GNAL: variants seen among roughly 807,000 people sequenced by gnomAD.
The protein encoded by GNAL is G protein subunit alpha L.
In GNAL, 18 loss-of-function variants were observed where a neutral mutation model predicts 55.1. The ratio of observed to expected loss-of-function variants is 0.33; its 90% CI spans 0.23 to 0.48. GNAL has a LOEUF of 0.48. Ranked by LOEUF, GNAL falls within the 20% of genes least tolerant of loss-of-function variation. The pLI is 0.99. For synonymous variants in GNAL, 253 were observed against 237.0 expected, an observed-to-expected ratio of 1.07 and a Z score of -0.62; for missense variants, 412 against 614.1, an observed-to-expected ratio of 0.67 and a Z score of 3.48.
At chr18:11,806,837 T>C (rs1037771524) in intron 4 of GNAL, among the ~76,000 whole-genome samples, 14 of 152,004 alleles carry the variant, frequency 9.2e-5, no homozygotes, top group African/African-American at 3.1e-4. Context: ...GAACATGTGT[T>C]ATTTGGTATT....
chr18:11,707,382 T>C (rs764186285), intron 1 of GNAL, among the ~76,000 whole-genome samples: 13 of 152,230 alleles, frequency 8.5e-5, no homozygotes, highest in Non-Finnish European at 1.6e-4. Flanking sequence ...GCTCTTGGGT[T>C]ACCGGGTGCA....
At chr18:11,792,917 G>T (rs938943376) in intron 4 of GNAL, among the ~76,000 whole-genome samples, 6 of 152,126 alleles carry the variant, frequency 3.9e-5, no homozygotes, top group African/African-American at 1.4e-4. Context: ...TTATATTATT[G>T]AATAGTGTCA....
intron 1 of GNAL, among the ~76,000 whole-genome samples, chr18:11,722,427 A>AGCG (rs2032115606): frequency 6.6e-6 from 1 of 152,210 alleles, no homozygotes; most frequent in Non-Finnish European, 1.5e-5. Flanking sequence ...ATATTCTTCT[A>AGCG]GCATAGATAT....
chr18:11,873,426 GA>G (rs554062099), intron 10 of GNAL, among the ~76,000 whole-genome samples: 2 of 152,022 alleles, frequency 1.3e-5, no homozygotes, highest in African/African-American at 4.8e-5. Context: ...ATAAAGACCC[GA>G]AAAAAATTCC....
rs902209355 is a variant in GNAL at position 11,865,722 on chromosome 18, T to G, written c.851+1116T>G. Among the ~76,000 whole-genome samples the G allele has an allele frequency of 4.1e-5, 5 of 122,018 alleles. 1 individual carries two copies. The highest frequency in any genetic ancestry group is 1.8e-4 in the African/African-American group (5 of 27,388). The allele number at this position is 122,018 out of a possible 152,430, so 80.0% of individuals were successfully genotyped here. A position where few individuals can be genotyped will look rare whatever the true frequency, so the allele number is the denominator to read the frequency against. On this transcript the variant is annotated intron_variant, in intron 7 of 11. Transcript: ENST00000334049. ...GTGGGCCATGATTAGGCCATTTCAC[T>G]CCAGCCTGGGTGACAGAGTAAGACC...
At chr18:11,693,380 C>T (rs2031312418) in intron 1 of GNAL, among the ~76,000 whole-genome samples, 1 of 152,134 alleles carries the variant, frequency 6.6e-6, no homozygotes. Context: ...TCAAATGACT[C>T]ACTTTTCAGG....
rs185973112 is a variant in GNAL at position 11,801,420 on chromosome 18, G to C, written c.625-23498G>C. On this transcript the variant is annotated intron_variant, in intron 4 of 11. Transcript: ENST00000334049. ...ATATAAAAATTAATCAGGCGTGGTGGTGCACATCTGCAGTCCTAGCAACTA... is the reference window on the plus strand; with the variant it reads ...ATATAAAAATTAATCAGGCGTGGTGCTGCACATCTGCAGTCCTAGCAACTA... Among the ~76,000 whole-genome samples, 574 of 152,248 alleles carry C rather than the reference G, an allele frequency of 3.8e-3. 9 individuals carry two copies. The highest frequency in any genetic ancestry group is 3.5e-3 in the Non-Finnish European group (237 of 68,020).
chr18:11,714,060 G>A (rs967505423), intron 1 of GNAL, among the ~76,000 whole-genome samples: 4 of 152,202 alleles, frequency 2.6e-5, no homozygotes, highest in African/African-American at 9.6e-5. Flanking sequence ...CATCTCCGAT[G>A]CCAGCAACTA....
intron 1 of GNAL, among the ~76,000 whole-genome samples, chr18:11,743,314 C>CAAAA (rs527239039): frequency 5.0e-4 from 58 of 116,394 alleles, no homozygotes; most frequent in South Asian, 1.4e-3. Flanking sequence ...CTCACTAATA[C>CAAAA]AAAAAAAAAA....
At chr18:11,758,036 T>C (rs1161439745) in intron 4 of GNAL, among the ~76,000 whole-genome samples, 2 of 151,902 alleles carry the variant, frequency 1.3e-5, no homozygotes, top group Admixed American at 1.3e-4. Context: ...AAGGTCAAGA[T>C]GAAAGATACA....
chr18:11,728,704 C>T (rs1046842920), intron 1 of GNAL, among the ~76,000 whole-genome samples: 1 of 152,188 alleles, frequency 6.6e-6, no homozygotes, highest in African/African-American at 2.4e-5. Flanking sequence ...GATTCCTTCA[C>T]ATTGTTCTTT....
chr18:11,718,075 T>C, intron 1 of GNAL, among the ~76,000 whole-genome samples: 1 of 152,042 alleles, frequency 6.6e-6, no homozygotes, highest in East Asian at 1.9e-4. Flanking sequence ...AGAAATACAA[T>C]CAATTATTAA....
At chr18:11,693,237 A>G (rs2031309037) in intron 1 of GNAL, among the ~76,000 whole-genome samples, 1 of 152,236 alleles carries the variant, frequency 6.6e-6, no homozygotes, top group South Asian at 2.1e-4. Context: ...GTGATGAGAT[A>G]TGGTCTGAAG....
chr18:11,721,416 C>T (rs2032089727), intron 1 of GNAL, among the ~76,000 whole-genome samples: 1 of 152,182 alleles, frequency 6.6e-6, no homozygotes, highest in Non-Finnish European at 1.5e-5. Context: ...GTGGATTCCA[C>T]TTATTCAAGT....
intron 4 of GNAL, among the ~76,000 whole-genome samples, chr18:11,771,121 G>A (rs2033619021): frequency 6.6e-6 from 1 of 151,928 alleles, no homozygotes; most frequent in Non-Finnish European, 1.5e-5. Flanking sequence ...AGGAGGCTGA[G>A]GCAGGAGAAT....
intron 4 of GNAL, among the ~76,000 whole-genome samples, chr18:11,809,555 A>G (rs914421107): frequency 2.6e-5 from 4 of 152,160 alleles, no homozygotes; most frequent in African/African-American, 9.7e-5. Context: ...CAACATGGCA[A>G]AACCCCGTCT....
At chr18:11,760,659 G>A (rs960906552) in intron 4 of GNAL, among the ~76,000 whole-genome samples, 1 of 152,160 alleles carries the variant, frequency 6.6e-6, no homozygotes. Flanking sequence ...CGCTTCCCCT[G>A]GGTCTTCATA....
intron 4 of GNAL, among the ~76,000 whole-genome samples, chr18:11,758,490 A>C (rs904804260): frequency 6.6e-6 from 1 of 152,202 alleles, no homozygotes; most frequent in African/African-American, 2.4e-5. Context: ...AAAAATAAAA[A>C]AACTCCAGTT....
intron 7 of GNAL, 70 bp from the exon 8 acceptor site, chr18:11,867,098 G>C (rs1598439954): frequency 8.2e-7 from 1 of 1,216,006 alleles, no homozygotes; most frequent in East Asian, 2.3e-5. Context: ...TAGCAAAAGA[G>C]GAAAGCAAGC....
Sources: allele counts gnomAD v4.1 joint callset (sites outside exome capture counted in the v4.1 genomes callset), GRCh38; gene constraint gnomAD v4.1.1; transcripts MANE v1.5; gene names NCBI Gene and HGNC (gene_info 2026-07-23, HGNC 2026-07-21).